Variants in OPRM1 observed in about 807,000 individuals in gnomAD.
The protein encoded by OPRM1 is mu-type opioid receptor.
OPRM1 carries 27 observed loss-of-function variants against 31.8 expected under a neutral mutation model. That is an observed-to-expected ratio of 0.85 (90% CI 0.63 to 1.17). OPRM1 has a LOEUF of 1.17. Ranked by LOEUF, OPRM1 falls within the 50% of genes most tolerant of loss-of-function variation. OPRM1 has a pLI of 0.00. For synonymous variants in OPRM1, 196 were observed against 189.9 expected, an observed-to-expected ratio of 1.03 and a Z score of -0.26; for missense variants, 536 against 511.1, an observed-to-expected ratio of 1.05 and a Z score of -0.47.
intron 3 of OPRM1, among the ~76,000 whole-genome samples, chr6:154,220,623 C>CGTG (rs1778789853): frequency 6.6e-6 from 1 of 152,120 alleles, no homozygotes; most frequent in Admixed American, 6.5e-5. Context: ...GCCTGGGCAA[C>CGTG]AGAACAAGAC....
chr6:154,053,542 G>C (rs776101451), intron 1 of OPRM1, among the ~76,000 whole-genome samples: 3 of 152,204 alleles, frequency 2.0e-5, no homozygotes, highest in African/African-American at 7.2e-5. Flanking sequence ...GTCTAGCTGG[G>C]TAAAAAGGAG....
At chr6:154,147,667 C>T (rs1367852393) in intron 3 of OPRM1, among the ~76,000 whole-genome samples, 4 of 152,222 alleles carry the variant, frequency 2.6e-5, no homozygotes, top group African/African-American at 7.2e-5. Context: ...TATCAATCAT[C>T]CCTGCCAGCT....
At chr6:154,032,443 A>C (rs1303200580) in intron 1 of OPRM1, among the ~76,000 whole-genome samples, 1 of 152,090 alleles carries the variant, frequency 6.6e-6, no homozygotes, top group Non-Finnish European at 1.5e-5. Flanking sequence ...CTTCTTTTAA[A>C]ATTGTTTTTA....
chr6:154,030,386 T>C (rs1354941354), intron 1 of OPRM1, among the ~76,000 whole-genome samples: 5 of 152,224 alleles, frequency 3.3e-5, no homozygotes, highest in Non-Finnish European at 7.3e-5. Context: ...AACAGGACTA[T>C]GTCTGTCTCT....
chr6:154,186,642 C>T (rs1350486284), intron 3 of OPRM1, among the ~76,000 whole-genome samples: 2 of 152,106 alleles, frequency 1.3e-5, no homozygotes, highest in African/African-American at 4.8e-5. Context: ...CTGCAAGCTC[C>T]GCCTCCCGGG....
rs376267277 is a variant in OPRM1, at chr6:154,082,535, T to A, written c.291-7291T>A. The stretch of plus-strand genomic sequence containing the variant: ...TATTGATAATGATGAAATTGTTTTA[T>A]CATATTTTGAAGTTGTCTTCTTTGT... On this transcript the variant is annotated intron_variant, in intron 1 of 3. Transcript: ENST00000330432. 8.5e-5 allele frequency among the ~76,000 whole-genome samples: 13 copies of A among 152,324 alleles called. No individual in the cohort carries two copies. The East Asian group carries it at 2.1e-3, about 25-fold the overall frequency.
At chr6:154,046,178 G>C (rs190573278) in intron 1 of OPRM1, among the ~76,000 whole-genome samples, 1 of 152,114 alleles carries the variant, frequency 6.6e-6, no homozygotes, top group Admixed American at 6.5e-5. Context: ...TCAAAAACTC[G>C]TAAGAAAAAT....
intron 3 of OPRM1, among the ~76,000 whole-genome samples, chr6:154,182,815 C>T: frequency 6.6e-6 from 1 of 151,330 alleles, no homozygotes; most frequent in Non-Finnish European, 1.5e-5. Flanking sequence ...ATGATGGGGA[C>T]AAGTGAATAC....
chr6:154,237,864 ATG>A (rs1217006223), intron 3 of OPRM1, among the ~76,000 whole-genome samples: 1 of 148,342 alleles, frequency 6.7e-6, no homozygotes, highest in East Asian at 1.9e-4. Context: ...ATATCTATAT[ATG>A]TGTCAATACT....
chr6:154,153,484 G>C (rs1360601997), intron 3 of OPRM1, among the ~76,000 whole-genome samples: 1 of 152,148 alleles, frequency 6.6e-6, no homozygotes, highest in Non-Finnish European at 1.5e-5. Flanking sequence ...AGGAGTTCAA[G>C]ACCAGCCTGC....
chr6:154,138,185 C>G (rs947739308), intron 3 of OPRM1, among the ~76,000 whole-genome samples: 1 of 152,094 alleles, frequency 6.6e-6, no homozygotes, highest in East Asian at 1.9e-4. Context: ...GTTTCTGCCA[C>G]TGCAAAGTCT....
At chr6:154,158,597 T>A (rs1311912404) in intron 3 of OPRM1, 2 of 152,116 alleles carry the variant, frequency 1.3e-5, no homozygotes, top group African/African-American at 4.8e-5. Context: ...GGGAAGAAAA[T>A]GAAAAATTAT....
chr6:154,089,043 C>CT (rs1562451421), intron 1 of OPRM1, among the ~76,000 whole-genome samples: 1 of 152,182 alleles, frequency 6.6e-6, no homozygotes, highest in Non-Finnish European at 1.5e-5. Flanking sequence ...TTCCCTTTGC[C>CT]TTATGCTCTG....
At chr6:154,164,144 G>A (rs766958024) in intron 3 of OPRM1, among the ~76,000 whole-genome samples, 10 of 152,228 alleles carry the variant, frequency 6.6e-5, no homozygotes, top group Non-Finnish European at 1.2e-4. Flanking sequence ...TACTTCAAAG[G>A]AAGATCCTAA....
chr6:154,159,551 CCCTAGAG>C (rs1798849476), intron 3 of OPRM1: 1 of 448,772 alleles, frequency 2.2e-6, no homozygotes, highest in Non-Finnish European at 3.9e-6. Context: ...CTCACATCCC[CCCTAGAG>C]CCCCACATCA....
At chr6:154,217,783 C>CA (rs1190208829) in intron 3 of OPRM1, among the ~76,000 whole-genome samples, 4 of 151,944 alleles carry the variant, frequency 2.6e-5, no homozygotes, top group African/African-American at 4.8e-5. Context: ...TATTCTCCCT[C>CA]AAAAAAGCAT....
At chr6:154,026,594 T>C (rs1778709828) in intron 1 of OPRM1, among the ~76,000 whole-genome samples, 2 of 152,160 alleles carry the variant, frequency 1.3e-5, no homozygotes, top group African/African-American at 4.8e-5. Context: ...TTGAGGGCTG[T>C]TTGCTAGATC....
At position 154,129,090 on chromosome 6, in the gene OPRM1, G is replaced by A. The variant is rs909183181; in HGVS notation, c.*10369G>A. Among the ~76,000 whole-genome samples, 2 of 152,084 alleles carry A rather than the reference G, an allele frequency of 1.3e-5. No individual in the cohort carries two copies. The highest frequency in any genetic ancestry group is 2.4e-5 in the African/African-American group (1 of 41,408). On this transcript the variant is annotated 3_prime_UTR_variant, in exon 4 of 4. Coordinates refer to ENST00000330432, the MANE Select transcript of OPRM1 (RefSeq NM_000914.5). The stretch of plus-strand genomic sequence containing the variant: ...AGGGCTTTATTCAGCTGGGAGCATC[G>A]ACCAGCTACTGTCTCAAAATCCAAG...
chr6:154,199,705 G>T (rs960932436), intron 3 of OPRM1: 4 of 1,613,388 alleles, frequency 2.5e-6, no homozygotes, highest in Non-Finnish European at 3.4e-6. Context: ...GCTTATCTGG[G>T]ACAGTAAGAT....
Sources: gnomAD v4.1 joint callset for allele counts (sites outside exome capture counted in the v4.1 genomes callset) on GRCh38, gnomAD v4.1.1 for gene constraint, MANE v1.5 for transcripts, NCBI Gene and HGNC (gene_info 2026-07-23, HGNC 2026-07-21) for gene names.